The following PCDHGB3 variants were observed in gnomAD, a reference collection of about 807,000 sequenced individuals.
PCDHGB3 encodes the protein protocadherin gamma-B3.
In PCDHGB3, 40 loss-of-function variants were observed where a neutral mutation model predicts 59.2. The observed-to-expected ratio is 0.68, with a 90% CI of 0.52 to 0.88. The LOEUF (loss-of-function observed/expected upper bound fraction) is 0.88. Among genes scored for constraint, PCDHGB3 ranks in the 40% least tolerant of loss-of-function variants. The probability of loss-of-function intolerance (pLI) is 0.00; values close to 1 mark genes in which losing one functional copy is unlikely to be tolerated. For synonymous variants in PCDHGB3, 581 were observed against 503.6 expected (o/e 1.15, Z -2.06); for missense variants, 1,309 against 1,187.9 (o/e 1.10, Z -1.50).
At position 141,421,041 on chromosome 5, in the gene PCDHGB3, C is replaced by T. The variant is rs963777669; in HGVS notation, c.2415+48232C>T. The T allele has an allele frequency of 1.8e-5, 10 of 546,514 alleles. No individual in the cohort carries two copies. The African/African-American group carries it at 1.9e-4, about 11-fold the overall frequency. 33.9% of individuals were successfully genotyped at this position (546,514 alleles called of 1,614,324 possible). A position where few individuals can be genotyped will look rare whatever the true frequency, so the allele number is the denominator to read the frequency against. ...CTGCGCGCCATTGAGTCCCTCCCTC[C>T]CCCGCCTCTACCACACAAAGCGGAA... On this transcript the variant is annotated intron_variant, in intron 1 of 3. Coordinates refer to ENST00000576222, the MANE Select transcript of PCDHGB3 (RefSeq NM_018924.5).
chr5:141,416,412 A>G (rs1391280535), intron 1 of PCDHGB3: 1 of 152,182 alleles, frequency 6.6e-6, no homozygotes, highest in Non-Finnish European at 1.5e-5. Flanking sequence ...TTTTTGTTAA[A>G]TTTTCTAGTG....
chr5:141,465,171 G>T (rs969390966), intron 1 of PCDHGB3, among the ~76,000 whole-genome samples: 1 of 151,728 alleles, frequency 6.6e-6, no homozygotes, highest in Non-Finnish European at 1.5e-5. Flanking sequence ...TGTTTATGAA[G>T]AAATTTAATT....
chr5:141,399,814 C>T, intron 1 of PCDHGB3: 2 of 1,613,238 alleles, frequency 1.2e-6, no homozygotes, highest in Non-Finnish European at 1.7e-6. Context: ...GTACCCCGCG[C>T]TGGGTCCCGA....
rs780843098 is a variant in PCDHGB3 at position 141,431,185 on chromosome 5, T to C, written c.2415+58376T>C. On this transcript the variant is annotated intron_variant, in intron 1 of 3. Coordinates refer to ENST00000576222, the MANE Select transcript of PCDHGB3 (RefSeq NM_018924.5). The surrounding 1 kb of genome is among the most constrained non-coding windows in gnomAD (Gnocchi z 4.8). ...GTGAAAGTGAATTAGAAATAAAAAT[T>C]AGTGAAAATGCAGCCACTGAGATGC... The C allele has an allele frequency of 3.1e-6, 5 of 1,613,982 alleles. No homozygotes were observed. The highest frequency in any genetic ancestry group is 4.2e-6 in the Non-Finnish European group (5 of 1,180,016).
At chr5:141,443,169 T>C (rs946262743) in intron 1 of PCDHGB3, among the ~76,000 whole-genome samples, 2 of 152,170 alleles carry the variant, frequency 1.3e-5, no homozygotes, top group Non-Finnish European at 2.9e-5. Flanking sequence ...TCCCTACCCA[T>C]GTCCACTGCA....
rs781173890 is a variant in PCDHGB3, at chr5:141,476,165, G to T, written c.2416-18642G>T. 5.3e-5 allele frequency: 86 copies of T among 1,613,106 alleles called. No individual in the cohort carries two copies. Among genetic ancestry groups the T allele is most frequent in the Non-Finnish European group, 7.2e-5 (85 of 1,179,976 alleles). On this transcript the variant is annotated intron_variant, in intron 1 of 3. Transcript: ENST00000576222. The surrounding 1 kb of genome is among the most constrained non-coding windows in gnomAD (Gnocchi z 7.6). ...CGGACTGGTAAGCACCGGGAGGGTA[G>T]TGGGAGTTTTGCTTCTGCTTGGTGC...
At position 141,381,820 on chromosome 5, in the gene PCDHGB3, C is replaced by CTTTCTTTCT. The variant is rs1279410534; in HGVS notation, c.2415+9013_2415+9014insTCTTTCTTT. On this transcript the variant is annotated intron_variant, in intron 1 of 3. Transcript: ENST00000576222. ...TCCCTCTTTCTTTCTTTCTTTCTTT[C>CTTTCTTTCT]TTCTTCTTTTTTTTTTTTTTTTTTT... is the stretch of plus-strand genomic sequence containing the variant. 4.1e-3 allele frequency among the ~76,000 whole-genome samples: 486 copies of CTTTCTTTCT among 119,674 alleles called. 3 individuals carry two copies. The highest frequency in any genetic ancestry group is 0.016 in the African/African-American group (465 of 29,196). The allele number at this position is 119,674 out of a possible 152,430, so 78.5% of individuals were successfully genotyped here.
At chr5:141,399,256 G>T in intron 1 of PCDHGB3, 3 of 1,613,964 alleles carry the variant, frequency 1.9e-6, no homozygotes, top group Non-Finnish European at 2.5e-6. Flanking sequence ...GGAAAATGGG[G>T]AGGTTAATTG....
At position 141,414,753 on chromosome 5, in the gene PCDHGB3, T is replaced by C. The variant is rs10041534; in HGVS notation, c.2415+41944T>C. 7.9e-4 allele frequency: 1,273 copies of C among 1,614,202 alleles called. 15 individuals carry two copies. The African/African-American group carries it at 0.015, about 19-fold the overall frequency. ...TGTATGCACTCAGATCCTTCGACTA[T>C]GAGCAGTTTCATGAGCTACAGATGC... On this transcript the variant is annotated intron_variant, in intron 1 of 3. Transcript: ENST00000576222.
chr5:141,507,915 G>A (rs1324577269), intron 3 of PCDHGB3, among the ~76,000 whole-genome samples: 2 of 152,224 alleles, frequency 1.3e-5, no homozygotes, highest in African/African-American at 4.8e-5. Flanking sequence ...AGCCAGGCCT[G>A]TGGGGCTGCT....
chr5:141,490,597 C>T lies in PCDHGB3; in HGVS notation c.2416-4210C>T, dbSNP rs781077720. Reference sequence around the variant, plus strand: ...TTCAGATGTCAATGACAATGCACCCCGCTTCAACCAGCAGCTTTACACTGC... The same window carrying T: ...TTCAGATGTCAATGACAATGCACCCTGCTTCAACCAGCAGCTTTACACTGC... On this transcript the variant is annotated intron_variant, in intron 1 of 3. Coordinates refer to ENST00000576222, the MANE Select transcript of PCDHGB3 (RefSeq NM_018924.5). The surrounding 1 kb of genome is among the most constrained non-coding windows in gnomAD (Gnocchi z 5.4). The T allele has an allele frequency of 1.2e-5, 20 of 1,614,182 alleles. No homozygotes were observed. The highest frequency in any genetic ancestry group is 3.3e-5 in the Admixed American group (2 of 60,026).
intron 1 of PCDHGB3, among the ~76,000 whole-genome samples, chr5:141,483,652 G>A (rs746306843): frequency 2.0e-5 from 3 of 151,916 alleles, no homozygotes; most frequent in Non-Finnish European, 4.4e-5. Context: ...GTGTGTTTGT[G>A]TGTGTGTGTG....
Position 141,432,093 on chromosome 5 carries a change from CCAACGA to C in PCDHGB3, c.2415+59289_2415+59294del. 1.2e-6 allele frequency: 2 copies of C among 1,614,170 alleles called. No individual in the cohort carries two copies. The highest frequency in any genetic ancestry group is 1.7e-6 in the Non-Finnish European group (2 of 1,180,046). On this transcript the variant is annotated intron_variant, in intron 1 of 3. Coordinates refer to ENST00000576222, the MANE Select transcript of PCDHGB3 (RefSeq NM_018924.5). The surrounding 1 kb of genome is among the most constrained non-coding windows in gnomAD (Gnocchi z 6.0). ...CATATCTCGCTGAACGTGGCAGACA[CCAACGA>C]CAACCCGCCGGTCTTCCCTCAGGCC...
intron 1 of PCDHGB3, chr5:141,394,283 T>A: frequency 6.2e-7 from 1 of 1,613,956 alleles, no homozygotes; most frequent in Non-Finnish European, 8.5e-7. Flanking sequence ...TCACTTACTC[T>A]GTGACCGAGG....
At chr5:141,417,517 T>C (rs2096127273) in intron 1 of PCDHGB3, 1 of 255,788 alleles carries the variant, frequency 3.9e-6, no homozygotes, top group East Asian at 7.9e-5. Flanking sequence ...ATATTTTGGC[T>C]GTCAACTCGT....
At chr5:141,397,591 A>G (rs1202251855) in intron 1 of PCDHGB3, among the ~76,000 whole-genome samples, 1 of 152,204 alleles carries the variant, frequency 6.6e-6, no homozygotes, top group Non-Finnish European at 1.5e-5. Flanking sequence ...ATTAATTATT[A>G]TATTGCCAGT....
intron 1 of PCDHGB3, among the ~76,000 whole-genome samples, chr5:141,463,460 T>TTTC (rs1554144872): frequency 7.4e-6 from 1 of 136,038 alleles, no homozygotes; most frequent in South Asian, 2.5e-4. Context: ...TTTTTTTTTT[T>TTTC]TTTTTTGAGA....
intron 3 of PCDHGB3, among the ~76,000 whole-genome samples, chr5:141,506,925 A>G (rs1287267937): frequency 1.3e-5 from 2 of 152,152 alleles, no homozygotes; most frequent in African/African-American, 4.8e-5. Context: ...ATACTAAACA[A>G]ACTTTAGGGG....
chr5:141,375,812 C>G, intron 1 of PCDHGB3: 1 of 1,614,208 alleles, frequency 6.2e-7, no homozygotes, highest in Non-Finnish European at 8.5e-7. Flanking sequence ...TGGCGTGGAG[C>G]TGGCGCCCCG....
Sources: gnomAD v4.1 joint callset for allele counts (sites outside exome capture counted in the v4.1 genomes callset) on GRCh38, gnomAD v4.1.1 for gene constraint, Gnocchi (gnomAD v3.1) non-coding constraint, MANE v1.5 for transcripts, NCBI Gene and HGNC (gene_info 2026-07-23, HGNC 2026-07-21) for gene names.